The following TRABD2B variants were observed in gnomAD, a reference collection of about 807,000 sequenced individuals.
The protein encoded by TRABD2B is metalloprotease TIKI2.
Under a neutral mutation model 40.1 loss-of-function variants are expected in TRABD2B, and 14 were observed. The ratio of observed to expected loss-of-function variants is 0.35; its 90% CI spans 0.23 to 0.55. TRABD2B has a LOEUF of 0.55. Ranked by LOEUF, TRABD2B falls within the 20% of genes least tolerant of loss-of-function variation. The probability of loss-of-function intolerance (pLI) is 0.90; values close to 1 mark genes in which losing one functional copy is unlikely to be tolerated. For missense variants in TRABD2B, 541 were observed against 648.6 expected (o/e 0.83, Z 1.80); for synonymous variants, 263 against 277.0 (o/e 0.95, Z 0.50).
At chr1:47,829,320 G>A (rs974252693) in intron 2 of TRABD2B, among the ~76,000 whole-genome samples, 1 of 152,072 alleles carries the variant, frequency 6.6e-6, no homozygotes, top group African/African-American at 2.4e-5. Context: ...CCACTCCCCT[G>A]GGAGAGGGGC....
chr1:47,805,138 G>T lies in TRABD2B; in HGVS notation c.667-3519C>A, dbSNP rs74069694. Among the ~76,000 whole-genome samples, 245 of 152,218 alleles carry T rather than the reference G, an allele frequency of 1.6e-3. 1 individual carries two copies. Among genetic ancestry groups the T allele is most frequent in the African/African-American group, 5.8e-3 (240 of 41,530 alleles). ...CACACAATGAGCTGTGGGCAGAGTG[G>T]ACTCAACCCCAACTCTTAACTCCTG... is the stretch of plus-strand genomic sequence containing the variant. On this transcript the variant is annotated intron_variant, in intron 2 of 6. Coordinates refer to ENST00000606738, the MANE Select transcript of TRABD2B (RefSeq NM_001194986.2).
intron 2 of TRABD2B, among the ~76,000 whole-genome samples, chr1:47,940,854 G>A (rs1212518820): frequency 6.6e-6 from 1 of 152,206 alleles, no homozygotes; most frequent in African/African-American, 2.4e-5. Flanking sequence ...GGAATCCGGA[G>A]GGGAAAATGC....
chr1:47,815,367 C>T (rs1030914778), intron 2 of TRABD2B, among the ~76,000 whole-genome samples: 2 of 152,178 alleles, frequency 1.3e-5, no homozygotes, highest in African/African-American at 4.8e-5. Context: ...AGACAGGGGC[C>T]CTTGAAGGAG....
intron 3 of TRABD2B, among the ~76,000 whole-genome samples, chr1:47,797,597 G>C (rs1644765181): frequency 6.6e-6 from 1 of 152,138 alleles, no homozygotes; most frequent in Admixed American, 6.5e-5. Flanking sequence ...AAAAGTGAAA[G>C]TTTAAAGCCA....
chr1:47,810,374 C>T (rs567322861), intron 2 of TRABD2B, among the ~76,000 whole-genome samples: 147 of 152,112 alleles, frequency 9.7e-4, no homozygotes, highest in South Asian at 5.8e-3. Context: ...CCTGCCCCCC[C>T]GCCACCCATT....
At chr1:47,965,210 G>A (rs1570380937) in intron 2 of TRABD2B, among the ~76,000 whole-genome samples, 1 of 88,962 alleles carries the variant, frequency 1.1e-5, no homozygotes, top group African/African-American at 4.5e-5. Flanking sequence ...GCGGGGGGGG[G>A]TGGAGGGGGG....
At chr1:47,890,288 T>C (rs1203339051) in intron 2 of TRABD2B, among the ~76,000 whole-genome samples, 1 of 152,150 alleles carries the variant, frequency 6.6e-6, no homozygotes, top group African/African-American at 2.4e-5. Flanking sequence ...ATGGATGTAA[T>C]AGCAGTGAGG....
At chr1:47,924,054 C>T (rs993611604) in intron 2 of TRABD2B, among the ~76,000 whole-genome samples, 6 of 151,898 alleles carry the variant, frequency 4.0e-5, no homozygotes. Flanking sequence ...GGTCTTTATT[C>T]AGCCTTCAGT....
At chr1:47,766,712 G>A (rs958534483) in intron 6 of TRABD2B, among the ~76,000 whole-genome samples, 3 of 152,198 alleles carry the variant, frequency 2.0e-5, no homozygotes, top group Admixed American at 2.0e-4. Context: ...GTGGCTGGCG[G>A]GGAGGCTACC....
chr1:47,893,379 C>A (rs992494456), intron 2 of TRABD2B, among the ~76,000 whole-genome samples: 2 of 152,162 alleles, frequency 1.3e-5, no homozygotes, highest in African/African-American at 4.8e-5. Context: ...GTGGAAAGAA[C>A]ATCCTTTGAG....
In TRABD2B at chr1:47,996,107, A is replaced by G. The variant is rs1646087251; in HGVS notation, c.102+581T>C. On this transcript the variant is annotated intron_variant, in intron 1 of 6. Coordinates refer to ENST00000606738, the MANE Select transcript of TRABD2B (RefSeq NM_001194986.2). The surrounding 1 kb of genome is among the most constrained non-coding windows in gnomAD (Gnocchi z 4.6). ...TGGCATTGCCTTTTCCTCTCCTCTG[A>G]AATCTTCCCTCTTTTCACGAAATAT... 6.6e-6 allele frequency among the ~76,000 whole-genome samples: 1 copy of G among 152,154 alleles called. No homozygotes were observed. Among genetic ancestry groups the G allele is most frequent in the Admixed American group, 6.5e-5 (1 of 15,272 alleles).
chr1:47,865,146 T>C (rs925601941), intron 2 of TRABD2B, among the ~76,000 whole-genome samples: 2 of 152,170 alleles, frequency 1.3e-5, no homozygotes, highest in Non-Finnish European at 2.9e-5. Context: ...GGCCTAGCAA[T>C]CTGCTCCCTT....
chr1:47,990,853 T>TTGAGGC (rs1235948052), intron 2 of TRABD2B, among the ~76,000 whole-genome samples: 1 of 122,806 alleles, frequency 8.1e-6, no homozygotes, highest in Non-Finnish European at 1.7e-5. Context: ...GGTTTTAGTG[T>TTGAGGC]TGAGGCTGGG....
In TRABD2B at chr1:47,765,665, T is replaced by A. The variant is rs942028092; in HGVS notation, c.*237A>T. On this transcript the variant is annotated 3_prime_UTR_variant, in exon 7 of 7. Coordinates refer to ENST00000606738, the MANE Select transcript of TRABD2B (RefSeq NM_001194986.2). The stretch of plus-strand genomic sequence containing the variant: ...ATCGGTAGAATAAATACATTTTTCT[T>A]TTTTAATATGGACACGTATTTTACA... 6.8e-6 allele frequency: 4 copies of A among 591,458 alleles called. No individual in the cohort carries two copies. In the African/African-American group the frequency reaches 7.5e-5, roughly 11 times the overall value. 36.6% of individuals were successfully genotyped at this position (591,458 alleles called of 1,614,324 possible).
rs192498613 is a variant in TRABD2B, at chr1:47,898,962, C to T, written c.666+95072G>A. Among the ~76,000 whole-genome samples, 5 of 152,330 alleles carry T rather than the reference C, an allele frequency of 3.3e-5. No individual in the cohort carries two copies. In the East Asian group the frequency reaches 9.6e-4, roughly 29 times the overall value. ...TCACTCATTCATTCATTCATTCATT[C>T]ACGCATTCAGTCTTCACGGCCTTCA... On this transcript the variant is annotated intron_variant, in intron 2 of 6. Coordinates refer to ENST00000606738, the MANE Select transcript of TRABD2B (RefSeq NM_001194986.2).
intron 2 of TRABD2B, among the ~76,000 whole-genome samples, chr1:47,869,788 T>C (rs1395171505): frequency 2.6e-5 from 4 of 152,064 alleles, no homozygotes; most frequent in Non-Finnish European, 1.5e-5. Context: ...TCCCTCCCAA[T>C]CACATGCGGT....
chr1:47,950,201 T>C (rs772788416), intron 2 of TRABD2B, among the ~76,000 whole-genome samples: 7 of 151,784 alleles, frequency 4.6e-5, no homozygotes, highest in East Asian at 1.9e-4. Flanking sequence ...AGGAGAATGG[T>C]GTGAACCTGG....
rs1232956843 is a variant in TRABD2B, at chr1:47,813,691, TACCCAC to T, written c.667-12078_667-12073del. On this transcript the variant is annotated intron_variant, in intron 2 of 6. Coordinates refer to ENST00000606738, the MANE Select transcript of TRABD2B (RefSeq NM_001194986.2). The surrounding 1 kb of genome is among the most constrained non-coding windows in gnomAD (Gnocchi z 4.3). ...CAATATTGCCCTTCCTTAGGACACA[TACCCAC>T]ACCCACACACACACTTTAAGAAATT... Among the ~76,000 whole-genome samples, 2 of 152,148 alleles carry T rather than the reference TACCCAC, an allele frequency of 1.3e-5. No individual in the cohort carries two copies. Among genetic ancestry groups the T allele is most frequent in the African/African-American group, 4.8e-5 (2 of 41,440 alleles).
chr1:47,978,460 G>A (rs78190840), intron 2 of TRABD2B, among the ~76,000 whole-genome samples: 6,527 of 152,274 alleles, frequency 0.043, 468 homozygotes, highest in African/African-American at 0.15. Flanking sequence ...AGCAAGGTGC[G>A]AGGCCAACTG....
Sources: allele counts gnomAD v4.1 joint callset (sites outside exome capture counted in the v4.1 genomes callset), GRCh38; gene constraint gnomAD v4.1.1; non-coding constraint Gnocchi (gnomAD v3.1); transcripts MANE v1.5; gene names NCBI Gene and HGNC (gene_info 2026-07-23, HGNC 2026-07-21).